Variants in KAZN observed in about 807,000 individuals in gnomAD.
The protein encoded by KAZN is kazrin.
KAZN carries 40 observed loss-of-function variants against 87.4 expected under a neutral mutation model. The observed-to-expected ratio is 0.46, with a 90% CI of 0.36 to 0.60. KAZN has a LOEUF of 0.60. Among genes scored for constraint, KAZN ranks in the 20% least tolerant of loss-of-function variants. The pLI, the probability that KAZN is intolerant of heterozygous loss-of-function variation, is 0.00. For missense variants in KAZN, 898 were observed against 1,073.9 expected (o/e 0.84, Z 2.29); for synonymous variants, 466 against 458.3 (o/e 1.02, Z -0.22).
rs370894751 is a variant in KAZN, at chr1:14,419,245, A to G, written c.250-179738A>G. Among the ~76,000 whole-genome samples the G allele has an allele frequency of 5.9e-5, 9 of 152,288 alleles. No homozygotes were observed. The South Asian group carries it at 1.7e-3, about 28-fold the overall frequency. On this transcript the variant is annotated intron_variant, in intron 2 of 16. Transcript: ENST00000636203. Reference sequence around the variant, plus strand: ...CTGCTGTCATTTTAAAAGTAAGTAAACTGAAGCCCAGAGAAATTCAGTGAC... The same window carrying G: ...CTGCTGTCATTTTAAAAGTAAGTAAGCTGAAGCCCAGAGAAATTCAGTGAC...
chr1:14,599,144 C>A lies in KAZN; in HGVS notation c.147C>A (p.Gly49=). The A allele has an allele frequency of 7.0e-7, 1 of 1,438,372 alleles. No individual in the cohort carries two copies. The highest frequency in any genetic ancestry group is 9.1e-7 in the Non-Finnish European group (1 of 1,101,306). 89.1% of individuals were successfully genotyped at this position (1,438,372 alleles called of 1,614,324 possible). A position where few individuals can be genotyped will look rare whatever the true frequency, so the allele number is the denominator to read the frequency against. The change falls in exon 1 of 15, where the codon GGC becomes GGA. Residue 49 remains glycine (G), a synonymous_variant. Transcript: ENST00000376030. The surrounding 1 kb of genome is among the most constrained non-coding windows in gnomAD (Gnocchi z 4.4). ...ELSGGGGPGP[G]PGAAASASAA... The stretch of plus-strand genomic sequence containing the variant: ...GCGGCGGCGGCGGCCCCGGCCCGGG[C>A]CCGGGAGCCGCGGCCAGCGCCTCGG...
intron 1 of KAZN, among the ~76,000 whole-genome samples, chr1:14,145,957 C>CT (rs927345184): frequency 8.7e-5 from 13 of 149,720 alleles, no homozygotes; most frequent in Non-Finnish European, 1.7e-4. Context: ...TTTACATTTC[C>CT]TTTTTTTTCT....
chr1:14,602,410 T>A (rs1344711304), intron 1 of KAZN, among the ~76,000 whole-genome samples: 3 of 152,154 alleles, frequency 2.0e-5, no homozygotes, highest in Non-Finnish European at 2.9e-5. Flanking sequence ...GTGACACATT[T>A]CAGAGCTCCA....
intron 2 of KAZN, among the ~76,000 whole-genome samples, chr1:14,355,808 AT>A (rs1348688213): frequency 6.6e-6 from 1 of 151,974 alleles, no homozygotes; most frequent in Non-Finnish European, 1.5e-5. Context: ...TATGTGCCAC[AT>A]TTTCTTTATC....
intron 2 of KAZN, among the ~76,000 whole-genome samples, chr1:15,000,329 G>C (rs779745621): frequency 1.6e-4 from 24 of 151,832 alleles, no homozygotes; most frequent in Non-Finnish European, 2.8e-4. Context: ...CCCTGATTTT[G>C]GCCCAGTGAA....
chr1:15,103,591 C>G (rs1641175622), intron 12 of KAZN, 131 bp downstream of exon 12: 1 of 696,080 alleles, frequency 1.4e-6, no homozygotes, highest in Non-Finnish European at 2.6e-6. Flanking sequence ...GGGCAAATCC[C>G]ACACAAATTA....
intron 1 of KAZN, among the ~76,000 whole-genome samples, chr1:13,989,640 G>A (rs1214440605): frequency 6.6e-6 from 1 of 152,094 alleles, no homozygotes; most frequent in Non-Finnish European, 1.5e-5. Flanking sequence ...AGGTGGTGGG[G>A]ATAAATCAGT....
chr1:14,662,964 C>CACATATATATATATATAT (rs368049334), intron 1 of KAZN, among the ~76,000 whole-genome samples: 1 of 127,970 alleles, frequency 7.8e-6, no homozygotes, highest in South Asian at 2.6e-4. Flanking sequence ...TATATGCACA[C>CACATATATATATATATAT]ATATATATAT....
chr1:13,923,530 G>A (rs932686047), intron 1 of KAZN, among the ~76,000 whole-genome samples: 16 of 140,934 alleles, frequency 1.1e-4, no homozygotes, highest in African/African-American at 1.1e-4. Context: ...CCGAGATCGC[G>A]CCACTGCACT....
At chr1:14,488,623 C>T (rs540705371) in intron 2 of KAZN, among the ~76,000 whole-genome samples, 6 of 152,328 alleles carry the variant, frequency 3.9e-5, no homozygotes, top group African/African-American at 1.2e-4. Context: ...CTCCTGTAAG[C>T]GTCTTCAATC....
intron 1 of KAZN, among the ~76,000 whole-genome samples, chr1:13,997,882 ACAC>A (rs1252463974): frequency 6.6e-6 from 1 of 152,170 alleles, no homozygotes; most frequent in Non-Finnish European, 1.5e-5. Flanking sequence ...CCACTAAGAT[ACAC>A]CACAAGAAGA....
At chr1:13,968,874 G>A (rs142682091) in intron 1 of KAZN, among the ~76,000 whole-genome samples, 240 of 152,168 alleles carry the variant, frequency 1.6e-3, no homozygotes, top group African/African-American at 5.6e-3. Flanking sequence ...TGCACTTGCC[G>A]ATGACTCCCA....
At chr1:14,478,006 A>G (rs772903253) in intron 2 of KAZN, among the ~76,000 whole-genome samples, 14 of 152,188 alleles carry the variant, frequency 9.2e-5, no homozygotes, top group Non-Finnish European at 1.9e-4. Flanking sequence ...GCTCACCGCT[A>G]GGTGAAAATC....
At chr1:15,110,525 GTGTT>G (rs1445372546) in intron 13 of KAZN, among the ~76,000 whole-genome samples, 2 of 140,456 alleles carry the variant, frequency 1.4e-5, no homozygotes, top group African/African-American at 2.7e-5. Flanking sequence ...TTGTGTGTAT[GTGTT>G]TGTGTGTGTG....
At chr1:14,005,562 G>A (rs1261230086) in intron 1 of KAZN, among the ~76,000 whole-genome samples, 1 of 152,034 alleles carries the variant, frequency 6.6e-6, no homozygotes, top group Non-Finnish European at 1.5e-5. Flanking sequence ...GAAGTTCAGA[G>A]GAAAGGCGAG....
intron 4 of KAZN, among the ~76,000 whole-genome samples, chr1:15,051,581 G>C (rs1674408584): frequency 6.6e-6 from 1 of 152,180 alleles, no homozygotes. Context: ...CCTGGACCAA[G>C]CACTTTCCCA....
chr1:14,627,244 C>T (rs567602675), intron 1 of KAZN, among the ~76,000 whole-genome samples: 1 of 151,972 alleles, frequency 6.6e-6, no homozygotes, highest in South Asian at 2.1e-4. Context: ...GGGGGCCAAG[C>T]GTCTCAGCAT....
At chr1:14,186,610 A>G (rs1483499467) in intron 2 of KAZN, among the ~76,000 whole-genome samples, 2 of 152,178 alleles carry the variant, frequency 1.3e-5, no homozygotes, top group Non-Finnish European at 2.9e-5. Context: ...GATCTGTCTT[A>G]GGTCACTGGG....
chr1:13,984,453 G>A (rs1234913620), intron 1 of KAZN, among the ~76,000 whole-genome samples: 1 of 152,192 alleles, frequency 6.6e-6, no homozygotes, highest in African/African-American at 2.4e-5. Flanking sequence ...TCCCTAGAAA[G>A]CAACTTGAGC....
Sources: allele counts gnomAD v4.1 joint callset (sites outside exome capture counted in the v4.1 genomes callset), GRCh38; gene constraint gnomAD v4.1.1; non-coding constraint Gnocchi (gnomAD v3.1); transcripts MANE v1.5; gene names NCBI Gene and HGNC (gene_info 2026-07-23, HGNC 2026-07-21).